DPYD: variants seen among roughly 807,000 people sequenced by gnomAD.
DPYD encodes dihydropyrimidine dehydrogenase [NADP(+)].
A neutral mutation model predicts 116.2 loss-of-function variants in DPYD; 109 were observed. The observed-to-expected ratio is 0.94, with a 90% confidence interval of 0.80 to 1.10. The LOEUF (loss-of-function observed/expected upper bound fraction) is 1.10, where lower values mean the gene tolerates loss of function less well. Ranked by LOEUF, DPYD falls within the 50% of genes least tolerant of loss-of-function variation. The pLI is 0.00. For missense variants in DPYD, 1,302 were observed against 1,254.5 expected, an observed-to-expected ratio of 1.04 and a Z score of -0.57; for synonymous variants, 440 against 432.0, an observed-to-expected ratio of 1.02 and a Z score of -0.23.
At chr1:97,745,106 A>G (rs1437592582) in intron 3 of DPYD, among the ~76,000 whole-genome samples, 1 of 151,984 alleles carries the variant, frequency 6.6e-6, no homozygotes, top group Admixed American at 6.6e-5. Flanking sequence ...CTTCCTATGT[A>G]CTTCTGACTC....
At chr1:97,472,203 A>G (rs1411576281) in intron 13 of DPYD, among the ~76,000 whole-genome samples, 1 of 152,196 alleles carries the variant, frequency 6.6e-6, no homozygotes, top group Non-Finnish European at 1.5e-5. Context: ...CAAACATCCA[A>G]AGCTATTTAA....
chr1:97,467,293 A>T (rs1677387139), intron 13 of DPYD, among the ~76,000 whole-genome samples: 4 of 152,204 alleles, frequency 2.6e-5, no homozygotes, highest in Admixed American at 2.6e-4. Flanking sequence ...GTCAAACCCA[A>T]GAGCCAGAGC....
intron 14 of DPYD, among the ~76,000 whole-genome samples, chr1:97,430,835 T>TA (rs1675138061): frequency 6.6e-6 from 1 of 152,130 alleles, no homozygotes; most frequent in Non-Finnish European, 1.5e-5. Context: ...ATTTTACATC[T>TA]ATATACTTTT....
chr1:97,125,957 G>A (rs1017116787), intron 20 of DPYD, among the ~76,000 whole-genome samples: 2 of 151,964 alleles, frequency 1.3e-5, no homozygotes, highest in Non-Finnish European at 2.9e-5. Context: ...TGGTTAATTC[G>A]GTTTAGTTTA....
intron 2 of DPYD, among the ~76,000 whole-genome samples, chr1:97,862,093 T>TA (rs1211268938): frequency 6.6e-6 from 1 of 151,940 alleles, no homozygotes; most frequent in African/African-American, 2.4e-5. Flanking sequence ...TAAACATAGT[T>TA]AATAAGGTCT....
At chr1:97,496,495 T>G (rs1255219582) in intron 13 of DPYD, among the ~76,000 whole-genome samples, 2 of 152,094 alleles carry the variant, frequency 1.3e-5, no homozygotes, top group Non-Finnish European at 1.5e-5. Flanking sequence ...AAGTTCAAAC[T>G]CTCTTTGATG....
At position 97,883,279 on chromosome 1, in the gene DPYD, AGGATTTCT is replaced by A. The variant is rs1207177925; in HGVS notation, c.127_134del (p.Arg43Ter). The A allele has an allele frequency of 3.1e-6, 5 of 1,609,262 alleles. No individual in the cohort carries two copies. The highest frequency in any genetic ancestry group is 2.6e-6 in the Non-Finnish European group (3 of 1,176,082). On this transcript the variant is annotated frameshift_variant, in exon 2 of 23. Coordinates refer to ENST00000370192, the MANE Select transcript of DPYD (RefSeq NM_000110.4). LOFTEE classifies it high-confidence loss of function. ...TGGTACTTACAAAGCAGTTCTTATC[AGGATTTCT>A]TTTCCAATGTTTCTTGTCTAATTTC... is the stretch of plus-strand genomic sequence containing the variant.
intron 13 of DPYD, among the ~76,000 whole-genome samples, chr1:97,454,280 G>T (rs1001693670): frequency 6.6e-6 from 1 of 151,826 alleles, no homozygotes; most frequent in Admixed American, 6.6e-5. Context: ...ATTATCTTTG[G>T]TTATATAACT....
intron 18 of DPYD, among the ~76,000 whole-genome samples, chr1:97,291,784 A>C (rs894794022): frequency 1.3e-5 from 2 of 152,234 alleles, no homozygotes; most frequent in Admixed American, 6.5e-5. Flanking sequence ...ACATGTATAC[A>C]TATGTAGCTA....
intron 3 of DPYD, among the ~76,000 whole-genome samples, chr1:97,793,801 G>C (rs377225395): frequency 6.6e-6 from 1 of 151,912 alleles, no homozygotes; most frequent in African/African-American, 2.4e-5. Context: ...GCAACCCTAG[G>C]GTAGACAAAG....
Position 97,141,136 on chromosome 1 carries a change from T to C in DPYD, c.2623-42504A>G, listed in dbSNP as rs952371945. On this transcript the variant is annotated intron_variant, in intron 20 of 22. Coordinates refer to ENST00000370192, the MANE Select transcript of DPYD (RefSeq NM_000110.4). ...GAAGATGTATAGTGATCTCGCTTCA[T>C]GTAGGATTGTGCTTGCATTTTCTAA... Among the ~76,000 whole-genome samples the C allele has an allele frequency of 2.6e-5, 4 of 152,292 alleles. No individual in the cohort carries two copies. The South Asian group carries it at 6.2e-4, about 24-fold the overall frequency.
intron 5 of DPYD, among the ~76,000 whole-genome samples, chr1:97,718,590 C>T (rs1052308316): frequency 6.6e-6 from 1 of 151,802 alleles, no homozygotes; most frequent in African/African-American, 2.4e-5. Context: ...ACACACAAAT[C>T]CTGGAAGACT....
intron 20 of DPYD, among the ~76,000 whole-genome samples, chr1:97,148,636 T>C (rs938218179): frequency 3.9e-5 from 6 of 152,214 alleles, no homozygotes; most frequent in Admixed American, 3.3e-4. Flanking sequence ...TATGGATTAC[T>C]ACATATTGGG....
chr1:97,912,174 C>T, intron 1 of DPYD, among the ~76,000 whole-genome samples: 1 of 152,074 alleles, frequency 6.6e-6, no homozygotes, highest in South Asian at 2.1e-4. Flanking sequence ...TTTAAAGACA[C>T]TTAATTCAGT....
chr1:97,384,246 GA>G (rs11286049), intron 14 of DPYD, among the ~76,000 whole-genome samples: 11,696 of 138,502 alleles, frequency 0.084, 650 homozygotes, highest in African/African-American at 0.18. Context: ...TTTACTTTGA[GA>G]AAAAAAAAAA....
chr1:97,136,890 T>C (rs1653847009), intron 20 of DPYD, among the ~76,000 whole-genome samples: 1 of 152,166 alleles, frequency 6.6e-6, no homozygotes, highest in Non-Finnish European at 1.5e-5. Flanking sequence ...GTCAGCTAGG[T>C]ATTTGTCGAC....
intron 3 of DPYD, among the ~76,000 whole-genome samples, chr1:97,817,857 C>G (rs1242937274): frequency 6.6e-6 from 1 of 151,996 alleles, no homozygotes; most frequent in Non-Finnish European, 1.5e-5. Context: ...ATTATGGATA[C>G]TTAAAATTAA....
At chr1:97,571,972 C>A in intron 11 of DPYD, among the ~76,000 whole-genome samples, 1 of 151,886 alleles carries the variant, frequency 6.6e-6, no homozygotes, top group East Asian at 1.9e-4. Context: ...TCTGCCAGCT[C>A]CCCTCTCACT....
At chr1:97,905,940 C>T (rs2101695381) in intron 1 of DPYD, among the ~76,000 whole-genome samples, 1 of 152,126 alleles carries the variant, frequency 6.6e-6, no homozygotes, top group Admixed American at 6.6e-5. Context: ...ACCATTTAAC[C>T]TTTCTATGTC....
Sources: gnomAD v4.1 joint callset for allele counts (sites outside exome capture counted in the v4.1 genomes callset) on GRCh38, gnomAD v4.1.1 for gene constraint, MANE v1.5 for transcripts, NCBI Gene and HGNC (gene_info 2026-07-23, HGNC 2026-07-21) for gene names.